DRC7: variants seen among roughly 807,000 people sequenced by gnomAD.
The protein encoded by DRC7 is dynein regulatory complex subunit 7.
In DRC7, 80 loss-of-function variants were observed where a neutral mutation model predicts 104.4. That is an observed-to-expected ratio of 0.77 (90% CI 0.64 to 0.92). The LOEUF is 0.92. Among genes scored for constraint, DRC7 ranks in the 40% least tolerant of loss-of-function variants. DRC7 has a pLI of 0.00. For missense variants in DRC7, 1,034 were observed against 1,141.1 expected, an observed-to-expected ratio of 0.91 and a Z score of 1.35; for synonymous variants, 405 against 447.3, an observed-to-expected ratio of 0.91 and a Z score of 1.19.
chr16:57,731,023 C>G lies in DRC7; in HGVS notation c.2484C>G (p.Cys828Trp). Residue 828 changes from cysteine to tryptophan, a missense_variant, in exon 18 of 19, where the codon TGC becomes TGG. Physicochemically the swap from Cys to Trp is radical, Grantham distance 215. Transcript: ENST00000360716. ...PEDEDLYLSY[C>W]SQAMFRIRIL... ...ATGAAGACCTGTACCTGAGTTACTG[C>G]TCTCAGGCCATGTTCCGCATCCGCA... 1 of 1,613,688 alleles carries G rather than the reference C, an allele frequency of 6.2e-7. No individual in the cohort carries two copies.
chr16:57,727,159 TG>T (rs1379927229), intron 15 of DRC7, 139 bp from the exon 16 acceptor site: 3 of 734,592 alleles, frequency 4.1e-6, no homozygotes, highest in South Asian at 1.7e-5. Context: ...TTTTAACAGA[TG>T]GGGTTTTTCC....
intron 6 of DRC7, among the ~76,000 whole-genome samples, chr16:57,704,297 C>T (rs796218173): frequency 1.9e-4 from 29 of 152,134 alleles, no homozygotes; most frequent in African/African-American, 6.7e-4. Flanking sequence ...CTATCACAGG[C>T]CCACCTCTGC....
intron 7 of DRC7, among the ~76,000 whole-genome samples, chr16:57,705,819 C>A: frequency 7.0e-6 from 1 of 142,710 alleles, no homozygotes; most frequent in African/African-American, 2.6e-5. Flanking sequence ...TCCTCCCATC[C>A]ATCCTCCCAT....
intron 13 of DRC7, 69 bp from the exon 14 acceptor site, chr16:57,725,999 G>A (rs556514926): frequency 9.5e-6 from 13 of 1,365,310 alleles, no homozygotes; most frequent in Non-Finnish European, 1.1e-5. Context: ...TCCTGCCTGC[G>A]GGCATGCACA....
At chr16:57,702,515 T>C (rs1161061416) in intron 6 of DRC7, among the ~76,000 whole-genome samples, 3 of 152,178 alleles carry the variant, frequency 2.0e-5, no homozygotes, top group Non-Finnish European at 4.4e-5. Flanking sequence ...TATAAGAAAA[T>C]AGGCCAGGTG....
In DRC7 at chr16:57,718,349, C is replaced by T; in HGVS notation, c.1080C>T (p.Asp360=). The T allele has an allele frequency of 6.2e-7, 1 of 1,613,880 alleles. No homozygotes were observed. Among genetic ancestry groups the T allele is most frequent in the Non-Finnish European group, 8.5e-7 (1 of 1,179,830 alleles). Reference sequence around the variant, plus strand: ...TTGACTGCCCTCATCCCCAACAGGACTTGATCTTTGACCTGGGTGACCCTG... The same window carrying T: ...TTGACTGCCCTCATCCCCAACAGGATTTGATCTTTGACCTGGGTGACCCTG... ...NMQDCWNCCK[D]LIFDLGDPVR... The change falls in exon 9 of 19, where the codon GAC becomes GAT. Residue 360 remains aspartate, a splice_region_variant and synonymous_variant. Transcript: ENST00000360716.
chr16:57,700,247 C>T lies in DRC7; in HGVS notation c.481C>T (p.Pro161Ser). 1 of 1,613,854 alleles carries T rather than the reference C, an allele frequency of 6.2e-7. No homozygotes were observed. The highest frequency in any genetic ancestry group is 8.5e-7 in the Non-Finnish European group (1 of 1,179,870). The change falls in exon 5 of 19, where the codon CCC becomes TCC. Residue 161 changes from proline to serine, a missense_variant. Pro to Ser is a moderately conservative substitution (Grantham distance 74). Transcript: ENST00000360716. ...TGTCTCCGACTTCCTCACCATGGTG[C>T]CCCTGCCTGACCCTCTCAAGCCGGT... The part of the protein sequence containing the change: ...QFVSDFLTMV[P>S]LPDPLKPPSH...
chr16:57,709,740 T>C (rs2048773820), intron 8 of DRC7, among the ~76,000 whole-genome samples: 1 of 152,162 alleles, frequency 6.6e-6, no homozygotes, highest in East Asian at 1.9e-4. Context: ...ATCACCACTA[T>C]CTAATTCCAG....
chr16:57,718,042 T>C (rs1012334529), intron 8 of DRC7, among the ~76,000 whole-genome samples: 2 of 152,216 alleles, frequency 1.3e-5, no homozygotes, highest in Non-Finnish European at 2.9e-5. Flanking sequence ...GACCTGCACA[T>C]CCAGGTCTAG....
chr16:57,704,044 T>C (rs916345546), intron 6 of DRC7, among the ~76,000 whole-genome samples: 1 of 150,744 alleles, frequency 6.6e-6, no homozygotes, highest in Admixed American at 6.6e-5. Flanking sequence ...AAAAGCTTAA[T>C]GATTAACATT....
chr16:57,729,132 GGA>G, intron 17 of DRC7, among the ~76,000 whole-genome samples: 1 of 140,458 alleles, frequency 7.1e-6, no homozygotes, highest in African/African-American at 2.9e-5. Context: ...GTGGGTAGAT[GGA>G]TGAATGGATG....
chr16:57,718,566 G>A, intron 9 of DRC7, 91 bp downstream of exon 9: 2 of 1,488,222 alleles, frequency 1.3e-6, no homozygotes, highest in East Asian at 2.3e-5. Context: ...TGTGGCAGTG[G>A]GGGATGGCCC....
chr16:57,724,970 A>G (rs1443396794), intron 13 of DRC7, 135 bp downstream of exon 13: 19 of 644,140 alleles, frequency 2.9e-5, no homozygotes, highest in Admixed American at 1.3e-4. Flanking sequence ...TGATGAACCA[A>G]GCATTTTACC....
chr16:57,721,830 C>A, intron 10 of DRC7, 91 bp downstream of exon 10: 1 of 877,660 alleles, frequency 1.1e-6, no homozygotes, highest in Non-Finnish European at 1.8e-6. Flanking sequence ...GGGGACACAG[C>A]AGGGAATGCC....
At chr16:57,718,624 C>T in intron 9 of DRC7, 149 bp downstream of exon 9, 1 of 1,013,376 alleles carries the variant, frequency 9.9e-7, no homozygotes, top group Non-Finnish European at 1.4e-6. Flanking sequence ...TTGAGCAATT[C>T]CCTTATTTTA....
intron 7 of DRC7, among the ~76,000 whole-genome samples, chr16:57,706,565 T>C (rs1392745279): frequency 7.6e-5 from 7 of 91,842 alleles, no homozygotes; most frequent in Non-Finnish European, 1.1e-4. Context: ...CTCCCATCCA[T>C]CCATCCTCCC....
At position 57,702,118 on chromosome 16, in the gene DRC7, G is replaced by A. The variant is rs781256727; in HGVS notation, c.687G>A (p.Val229=). The stretch of plus-strand genomic sequence containing the variant: ...CGCGGGAGGTGTGCCCACTCACTGT[G>A]AAGCCCAAGGAGGTATGGTCGGGCT... ...DLTREVCPLT[V]KPKETIKKEE... is the part of the protein sequence containing the mutation. Residue 229 remains valine, a synonymous_variant, in exon 6 of 19, where the codon GTG becomes GTA. Transcript: ENST00000360716. 6.2e-7 allele frequency: 1 copy of A among 1,614,038 alleles called. No homozygotes were observed. Among genetic ancestry groups the A allele is most frequent in the East Asian group, 2.2e-5 (1 of 44,882 alleles).
At chr16:57,707,729 T>C (rs1396978638) in intron 8 of DRC7, 51 bp downstream of exon 8, 1 of 1,537,988 alleles carries the variant, frequency 6.5e-7, no homozygotes, top group Non-Finnish European at 8.9e-7. Context: ...GTGCAGGTGA[T>C]AGGAATAGAG....
rs1345641173 is a variant in DRC7, at chr16:57,701,948, T to A, written c.517T>A (p.Tyr173Asn). Reference sequence around the variant, plus strand: ...CCACTGTGACCAGCCCTCGCACCTGTACTCCTCGACCACTGTGCTCAAGTA... The same window carrying A: ...CCACTGTGACCAGCCCTCGCACCTGAACTCCTCGACCACTGTGCTCAAGTA... ...PDPLKPPSHL[Y>N]SSTTVLKYQK... Residue 173 changes from tyrosine (Y) to asparagine (N), a missense_variant, in exon 6 of 19, where the codon TAC becomes AAC. Tyr to Asn is a moderately radical substitution (Grantham distance 143, BLOSUM62 -2). Transcript: ENST00000360716. 2 of 1,614,056 alleles carry A rather than the reference T, an allele frequency of 1.2e-6. No individual in the cohort carries two copies. Among genetic ancestry groups the A allele is most frequent in the South Asian group, 2.2e-5 (2 of 91,080 alleles).
Sources: allele counts gnomAD v4.1 joint callset (sites outside exome capture counted in the v4.1 genomes callset), GRCh38; gene constraint gnomAD v4.1.1; transcripts MANE v1.5; gene names NCBI Gene and HGNC (gene_info 2026-07-23, HGNC 2026-07-21).